Variants in HDAC9 observed in about 807,000 individuals in gnomAD.
The protein encoded by HDAC9 is MEF-2 interacting transcription repressor (MITR) protein.
Under a neutral mutation model 139.4 loss-of-function variants are expected in HDAC9, and 41 were observed. The ratio of observed to expected loss-of-function variants is 0.29; its 90% CI spans 0.23 to 0.38. The LOEUF (loss-of-function observed/expected upper bound fraction) is 0.38. Ranked by LOEUF, HDAC9 falls within the 10% of genes least tolerant of loss-of-function variation. HDAC9 has a pLI of 1.00. For missense variants in HDAC9, 1,147 were observed against 1,297.0 expected, an observed-to-expected ratio of 0.88 and a Z score of 1.78; for synonymous variants, 517 against 476.2, an observed-to-expected ratio of 1.09 and a Z score of -1.12.
At chr7:18,268,804 C>G (rs1381226453) in intron 2 of HDAC9, among the ~76,000 whole-genome samples, 2 of 152,236 alleles carry the variant, frequency 1.3e-5, no homozygotes, top group Non-Finnish European at 1.5e-5. Context: ...GACTTCTCTA[C>G]TTAAATGGAT....
At chr7:18,740,037 G>A (rs1787300904) in intron 13 of HDAC9, among the ~76,000 whole-genome samples, 1 of 152,236 alleles carries the variant, frequency 6.6e-6, no homozygotes, top group Non-Finnish European at 1.5e-5. Flanking sequence ...TGCTCTGCTA[G>A]CACTGAGCAA....
At chr7:18,912,840 A>C (rs1802858366) in intron 22 of HDAC9, among the ~76,000 whole-genome samples, 2 of 152,110 alleles carry the variant, frequency 1.3e-5, no homozygotes, top group Non-Finnish European at 2.9e-5. Flanking sequence ...ATTTGTGTTA[A>C]ACTTACAGAA....
intron 2 of HDAC9, among the ~76,000 whole-genome samples, chr7:18,558,231 C>T (rs1260712746): frequency 6.6e-6 from 1 of 152,140 alleles, no homozygotes; most frequent in Non-Finnish European, 1.5e-5. Flanking sequence ...AGAAAACACA[C>T]TCATTTTTCC....
In HDAC9 at chr7:18,748,997, T is replaced by C. The variant is rs771511328; in HGVS notation, c.1910-8T>C. On this transcript the variant is annotated splice_region_variant and splice_polypyrimidine_tract_variant and intron_variant, in intron 13 of 25. Transcript: ENST00000686413. ...TCAATCTTGTCCTGTATTTCCCTTGTCTTAAAGGAATTGCCTATGACCCCT... is the reference window on the plus strand; with the variant it reads ...TCAATCTTGTCCTGTATTTCCCTTGCCTTAAAGGAATTGCCTATGACCCCT... 3 of 1,612,842 alleles carry C rather than the reference T, an allele frequency of 1.9e-6. No homozygotes were observed. Among genetic ancestry groups the C allele is most frequent in the East Asian group, 4.5e-5 (2 of 44,888 alleles).
chr7:18,548,212 C>G lies in HDAC9; in HGVS notation c.23-37069C>G, dbSNP rs573502134. Among the ~76,000 whole-genome samples, 13 of 152,196 alleles carry G rather than the reference C, an allele frequency of 8.5e-5. No homozygotes were observed. In the East Asian group the frequency reaches 2.1e-3, roughly 25 times the overall value. On this transcript the variant is annotated intron_variant, in intron 2 of 25. Coordinates refer to ENST00000686413, the MANE Select transcript of HDAC9 (RefSeq NM_178425.4). The stretch of plus-strand genomic sequence containing the variant: ...AGTGAAGTCGGAACACCACACACAA[C>G]ATTTACAGATTAAGTTCGCCGTCTT...
At chr7:18,818,755 C>A (rs1230034989) in intron 17 of HDAC9, among the ~76,000 whole-genome samples, 1 of 152,092 alleles carries the variant, frequency 6.6e-6, no homozygotes, top group African/African-American at 2.4e-5. Context: ...CCTTATTTTT[C>A]ATGATTTTGA....
At chr7:18,258,565 G>A (rs926565231) in intron 2 of HDAC9, among the ~76,000 whole-genome samples, 3 of 152,098 alleles carry the variant, frequency 2.0e-5, no homozygotes, top group Non-Finnish European at 4.4e-5. Context: ...GAAACTGCAA[G>A]GTATAAACAA....
intron 7 of HDAC9, among the ~76,000 whole-genome samples, chr7:18,631,083 C>A (rs1057481029): frequency 2.0e-5 from 3 of 152,080 alleles, no homozygotes; most frequent in African/African-American, 7.2e-5. Flanking sequence ...GCTTTTTCTA[C>A]ACAGTCACTT....
chr7:18,280,798 T>G (rs1331128289), intron 2 of HDAC9, among the ~76,000 whole-genome samples: 7 of 151,912 alleles, frequency 4.6e-5, no homozygotes, highest in Non-Finnish European at 1.0e-4. Flanking sequence ...AAGAGGGGAT[T>G]TGGATAATAA....
chr7:18,317,422 A>G (rs2128631737), intron 1 of HDAC9, among the ~76,000 whole-genome samples: 1 of 152,332 alleles, frequency 6.6e-6, no homozygotes, highest in Non-Finnish European at 1.5e-5. Context: ...ATTTTGAATA[A>G]TAAAATGCTG....
At chr7:18,557,422 A>G (rs1032938117) in intron 2 of HDAC9, among the ~76,000 whole-genome samples, 4 of 150,862 alleles carry the variant, frequency 2.7e-5, no homozygotes, top group Middle Eastern at 3.2e-3. Flanking sequence ...TTTATTACAA[A>G]TGTAAATAAA....
At chr7:18,895,144 C>T (rs188874654) in intron 22 of HDAC9, among the ~76,000 whole-genome samples, 1 of 152,174 alleles carries the variant, frequency 6.6e-6, no homozygotes, top group Non-Finnish European at 1.5e-5. Flanking sequence ...GTAAATTTCA[C>T]ATATAACTTT....
At chr7:18,738,490 A>C (rs1178148) in intron 13 of HDAC9, among the ~76,000 whole-genome samples, 27,966 of 152,102 alleles carry the variant, frequency 0.18, 3,138 homozygotes, top group East Asian at 0.55. Context: ...GCTTATGTAT[A>C]ATGGATTTTA....
intron 1 of HDAC9, among the ~76,000 whole-genome samples, chr7:18,347,705 C>T (rs1782528846): frequency 1.3e-5 from 2 of 152,052 alleles, no homozygotes; most frequent in African/African-American, 4.8e-5. Flanking sequence ...TTAAGTGATT[C>T]TCCTGCTTCA....
At chr7:18,346,776 T>A (rs1219380905) in intron 1 of HDAC9, among the ~76,000 whole-genome samples, 1 of 152,148 alleles carries the variant, frequency 6.6e-6, no homozygotes, top group Non-Finnish European at 1.5e-5. Flanking sequence ...ATGATTCTCA[T>A]CAGTTATATT....
chr7:18,167,488 C>T (rs1324155136), intron 2 of HDAC9, among the ~76,000 whole-genome samples: 1 of 152,132 alleles, frequency 6.6e-6, no homozygotes, highest in Non-Finnish European at 1.5e-5. Flanking sequence ...ACACTACAAA[C>T]AAACTCCATA....
At chr7:18,589,169 T>C (rs1448540180) in intron 3 of HDAC9, among the ~76,000 whole-genome samples, 3 of 152,024 alleles carry the variant, frequency 2.0e-5, no homozygotes, top group African/African-American at 4.8e-5. Context: ...ACATTTACTA[T>C]AGTTCATAGA....
intron 1 of HDAC9, among the ~76,000 whole-genome samples, chr7:18,115,636 A>G (rs1187054122): frequency 2.0e-5 from 3 of 152,190 alleles, no homozygotes; most frequent in East Asian, 1.9e-4. Context: ...CGGTTATTTG[A>G]CCAGTGTTTC....
intron 22 of HDAC9, among the ~76,000 whole-genome samples, chr7:18,896,714 GTCTT>G (rs1269809027): frequency 2.0e-5 from 3 of 152,010 alleles, no homozygotes; most frequent in Admixed American, 6.6e-5. Context: ...AGGTATAAAG[GTCTT>G]TCTTTTTGTG....
Sources: gnomAD v4.1 joint callset for allele counts (sites outside exome capture counted in the v4.1 genomes callset) on GRCh38, gnomAD v4.1.1 for gene constraint, MANE v1.5 for transcripts, NCBI Gene and HGNC (gene_info 2026-07-23, HGNC 2026-07-21) for gene names.